PAAF1: variants seen among roughly 807,000 people sequenced by gnomAD.
PAAF1 encodes the protein proteasomal ATPase-associated factor 1.
PAAF1 carries 46 observed loss-of-function variants against 52.8 expected under a neutral mutation model. The ratio of observed to expected loss-of-function variants is 0.87; its 90% CI spans 0.69 to 1.11. The LOEUF is 1.11. Among genes scored for constraint, PAAF1 ranks in the 50% most tolerant of loss-of-function variants. The pLI is 0.00. For synonymous variants in PAAF1, 178 were observed against 172.8 expected (o/e 1.03, Z -0.24); for missense variants, 424 against 477.4 (o/e 0.89, Z 1.04).
At position 73,908,339 on chromosome 11, in the gene PAAF1, G is replaced by GTGTATA. The variant is rs1240241112; in HGVS notation, c.533-1059_533-1058insGTATAT. Among the ~76,000 whole-genome samples, 241 of 111,174 alleles carry GTGTATA rather than the reference G, an allele frequency of 2.2e-3. 1 individual carries two copies. Among genetic ancestry groups the GTGTATA allele is most frequent in the African/African-American group, 7.3e-3 (227 of 31,272 alleles). 72.9% of individuals were successfully genotyped at this position (111,174 alleles called of 152,430 possible). On this transcript the variant is annotated intron_variant, in intron 6 of 11. Coordinates refer to ENST00000310571, the MANE Select transcript of PAAF1 (RefSeq NM_025155.3). ...TATGTGTATATATGTATATATATGT[G>GTGTATA]TATATATGTGTATATATGTGTGTAT...
intron 3 of PAAF1, among the ~76,000 whole-genome samples, chr11:73,887,722 T>C (rs1167916721): frequency 1.3e-5 from 2 of 152,160 alleles, no homozygotes; most frequent in Admixed American, 1.3e-4. Context: ...GTGGCCACAT[T>C]ATAGAGATAA....
intron 2 of PAAF1, 24 bp downstream of exon 2, chr11:73,878,843 C>A (rs1302247499): frequency 3.7e-6 from 6 of 1,608,620 alleles, no homozygotes; most frequent in Non-Finnish European, 5.1e-6. Context: ...ATTATATATG[C>A]TGTGACTTTA....
chr11:73,914,459 G>T lies in PAAF1; in HGVS notation c.774G>T (p.Arg258=). 2 of 1,614,032 alleles carry T rather than the reference G, an allele frequency of 1.2e-6. No individual in the cohort carries two copies. Among genetic ancestry groups the T allele is most frequent in the South Asian group, 2.2e-5 (2 of 91,082 alleles). Residue 258 remains arginine, a synonymous_variant, in exon 8 of 12, where the codon CGG becomes CGT. Coordinates refer to ENST00000310571, the MANE Select transcript of PAAF1 (RefSeq NM_025155.3). ...GTEAKMLLLA[R]EDKKLQCLGL... ...AGGCCAAAATGCTGCTCTTGGCCCG[G>T]GAAGATAAGAAACTTCAGTGCTTGG...
At position 73,887,473 on chromosome 11, in the gene PAAF1, T is replaced by C. The variant is rs1466548775; in HGVS notation, c.192+16T>C. Reference sequence around the variant, plus strand: ...AATAAACAAGGTATGTTTTTATGTCTTCTAGATGGCATGATATTTAAAACT... The same window carrying C: ...AATAAACAAGGTATGTTTTTATGTCCTCTAGATGGCATGATATTTAAAACT... On this transcript the variant is annotated intron_variant, in intron 3 of 11. Coordinates refer to ENST00000310571, the MANE Select transcript of PAAF1 (RefSeq NM_025155.3). The C allele has an allele frequency of 6.5e-7, 1 of 1,536,054 alleles. No individual in the cohort carries two copies. Among genetic ancestry groups the C allele is most frequent in the Non-Finnish European group, 8.9e-7 (1 of 1,126,920 alleles).
rs568972790 is a variant in PAAF1, at chr11:73,920,227, A to AT, written c.1018+1202dup. On this transcript the variant is annotated intron_variant, in intron 10 of 11. Coordinates refer to ENST00000310571, the MANE Select transcript of PAAF1 (RefSeq NM_025155.3). ...CTCCAAAATATAATATTTTTTATAT[A>AT]TTTTTTTAATTTAAAAAACAAGTAG... is the stretch of plus-strand genomic sequence containing the variant. 4.7e-3 allele frequency among the ~76,000 whole-genome samples: 720 copies of AT among 151,766 alleles called. 6 individuals are homozygous for AT. The highest frequency in any genetic ancestry group is 0.017 in the African/African-American group (689 of 41,382).
chr11:73,925,069 C>T (rs1196844536), intron 11 of PAAF1, among the ~76,000 whole-genome samples: 2 of 149,846 alleles, frequency 1.3e-5, no homozygotes, highest in Non-Finnish European at 3.0e-5. Flanking sequence ...GCAGGAGAAT[C>T]GCTTGAACCT....
Position 73,914,721 on chromosome 11 carries a change from C to CA in PAAF1, c.819+218dup, listed in dbSNP as rs1427843226. ...TCTTTTTTTTTTTTTTTTTTGGAGACAGAGTCTCACTCTGTCGCCCAGGTT... is the reference window on the plus strand; with the variant it reads ...TCTTTTTTTTTTTTTTTTTTGGAGACAAGAGTCTCACTCTGTCGCCCAGGTT... On this transcript the variant is annotated intron_variant, in intron 8 of 11. Transcript: ENST00000310571. Among the ~76,000 whole-genome samples the CA allele has an allele frequency of 4.8e-3, 614 of 128,602 alleles. 7 individuals carry two copies. The highest frequency in any genetic ancestry group is 0.017 in the African/African-American group (576 of 33,000). The allele number at this position is 128,602 out of a possible 152,430, so 84.4% of individuals were successfully genotyped here.
At chr11:73,922,063 C>A (rs759597683) in intron 10 of PAAF1, 9 of 846,952 alleles carry the variant, frequency 1.1e-5, no homozygotes, top group Non-Finnish European at 1.8e-5. Flanking sequence ...TAGATGGCTT[C>A]ATCCACAGTA....
intron 10 of PAAF1, among the ~76,000 whole-genome samples, chr11:73,920,118 AT>A (rs960674253): frequency 2.0e-5 from 3 of 152,164 alleles, no homozygotes; most frequent in Non-Finnish European, 4.4e-5. Context: ...AGGTGATAAC[AT>A]TTGGGAAAAC....
chr11:73,915,377 A>G (rs940715214), intron 8 of PAAF1, among the ~76,000 whole-genome samples: 2 of 152,186 alleles, frequency 1.3e-5, no homozygotes, highest in South Asian at 2.1e-4. Context: ...AGGCCCAGAA[A>G]GGGTGGATTG....
At chr11:73,896,073 CACTTCAGCCTGAGCA>C (rs1446684142) in intron 4 of PAAF1, among the ~76,000 whole-genome samples, 8 of 152,160 alleles carry the variant, frequency 5.3e-5, no homozygotes, top group Non-Finnish European at 1.2e-4. Flanking sequence ...CATGCCCCTG[CACTTCAGCCTGAGCA>C]ACAGAGTGAG....
chr11:73,884,863 C>CT (rs1201853305), intron 2 of PAAF1, among the ~76,000 whole-genome samples: 13,877 of 143,936 alleles, frequency 0.096, 1,022 homozygotes, highest in African/African-American at 0.21. Context: ...TTCTTTTATT[C>CT]TTTTTTTTTT....
chr11:73,924,806 C>G (rs1024599923), intron 11 of PAAF1, 109 bp downstream of exon 11: 16 of 846,752 alleles, frequency 1.9e-5, no homozygotes, highest in Non-Finnish European at 2.7e-5. Flanking sequence ...TAAAATAGTG[C>G]TTATTGTATA....
intron 7 of PAAF1, among the ~76,000 whole-genome samples, chr11:73,912,462 CAA>C (rs1565146898): frequency 1.3e-5 from 2 of 152,166 alleles, no homozygotes; most frequent in African/African-American, 4.8e-5. Flanking sequence ...CCCACATCAG[CAA>C]AGTCTATCAT....
chr11:73,923,570 C>G (rs935772458), intron 10 of PAAF1, among the ~76,000 whole-genome samples: 1 of 152,130 alleles, frequency 6.6e-6, no homozygotes, highest in Non-Finnish European at 1.5e-5. Context: ...GAGTCTCACT[C>G]TGTCGCCCAG....
Position 73,877,238 on chromosome 11 carries a change from C to G in PAAF1, c.47+170C>G, listed in dbSNP as rs1948767281. 4 of 604,030 alleles carry G rather than the reference C, an allele frequency of 6.6e-6. 1 individual carries two copies. The South Asian group carries it at 1.8e-4, about 27-fold the overall frequency. 37.4% of individuals were successfully genotyped at this position (604,030 alleles called of 1,614,324 possible). A position where few individuals can be genotyped will look rare whatever the true frequency, so the allele number is the denominator to read the frequency against. On this transcript the variant is annotated intron_variant, in intron 1 of 11. Transcript: ENST00000310571. ...GAAGTATCAAACCCGTATGGTCATT[C>G]TCTGAAAAGCTATCCCTAGGCCAAG...
intron 7 of PAAF1, 106 bp downstream of exon 7, chr11:73,909,699 T>A: frequency 5.0e-6 from 5 of 1,000,116 alleles, no homozygotes; most frequent in Non-Finnish European, 7.4e-6. Flanking sequence ...CTGTGCCTGG[T>A]ATTTCTGTTT....
At chr11:73,880,815 A>G (rs1191964373) in intron 2 of PAAF1, 2 of 151,300 alleles carry the variant, frequency 1.3e-5, no homozygotes, top group African/African-American at 4.9e-5. Context: ...CCTGGCTAAC[A>G]TGGTGAAGCC....
At chr11:73,890,393 G>T (rs1949167558) in intron 3 of PAAF1, among the ~76,000 whole-genome samples, 3 of 152,076 alleles carry the variant, frequency 2.0e-5, no homozygotes. Flanking sequence ...TTCCTAATAT[G>T]CCACCAGTGT....
Sources: gnomAD v4.1 joint callset for allele counts (sites outside exome capture counted in the v4.1 genomes callset) on GRCh38, gnomAD v4.1.1 for gene constraint, MANE v1.5 for transcripts, NCBI Gene and HGNC (gene_info 2026-07-23, HGNC 2026-07-21) for gene names.